Variants in HCN4 observed in about 807,000 individuals in gnomAD.
The protein encoded by HCN4 is potassium/sodium hyperpolarization-activated cyclic nucleotide-gated channel 4.
A neutral mutation model predicts 76.9 loss-of-function variants in HCN4; 29 were observed. The ratio of observed to expected loss-of-function variants is 0.38; its 90% CI spans 0.28 to 0.51. The LOEUF (loss-of-function observed/expected upper bound fraction) is 0.51. Among genes scored for constraint, HCN4 ranks in the 20% least tolerant of loss-of-function variants. The pLI, the probability that HCN4 is intolerant of heterozygous loss-of-function variation, is 0.90. For synonymous variants in HCN4, 772 were observed against 762.5 expected (o/e 1.01, Z -0.21); for missense variants, 1,416 against 1,715.2 (o/e 0.83, Z 3.08).
At chr15:73,366,928 AG>A (rs1351738831) in intron 1 of HCN4, among the ~76,000 whole-genome samples, 1 of 152,328 alleles carries the variant, frequency 6.6e-6, no homozygotes, top group Non-Finnish European at 1.5e-5. Flanking sequence ...AGCTGAGCTC[AG>A]GGTTACGGTG....
chr15:73,333,435 G>C (rs2042944733), intron 2 of HCN4, among the ~76,000 whole-genome samples: 2 of 152,178 alleles, frequency 1.3e-5, no homozygotes, highest in Non-Finnish European at 2.9e-5. Flanking sequence ...GCCCATTTCA[G>C]ATGTGGAAAC....
intron 1 of HCN4, among the ~76,000 whole-genome samples, chr15:73,360,626 C>T (rs76668171): frequency 6.7e-6 from 1 of 149,882 alleles, no homozygotes; most frequent in African/African-American, 2.4e-5. Flanking sequence ...TTTGGGGGAC[C>T]TCTCTCTCTC....
At position 73,324,073 on chromosome 15, in the gene HCN4, G is replaced by A. The variant is rs1405877787; in HGVS notation, c.2143+16C>T. 6.2e-7 allele frequency: 1 copy of A among 1,610,240 alleles called. No homozygotes were observed. The highest frequency in any genetic ancestry group is 1.3e-5 in the African/African-American group (1 of 74,824). On this transcript the variant is annotated intron_variant, in intron 7 of 7. Coordinates refer to ENST00000261917, the MANE Select transcript of HCN4 (RefSeq NM_005477.3). Reference sequence around the variant, plus strand: ...AACACCCCCCACCTGCCCCGCCTGTGGCCCCTCCCCCTCACCAATGCGGTC... The same window carrying A: ...AACACCCCCCACCTGCCCCGCCTGTAGCCCCTCCCCCTCACCAATGCGGTC...
intron 2 of HCN4, among the ~76,000 whole-genome samples, chr15:73,341,497 T>A (rs2043002981): frequency 6.6e-6 from 1 of 152,186 alleles, no homozygotes; most frequent in Non-Finnish European, 1.5e-5. Context: ...TAAGGCTTTA[T>A]AAACATCAGG....
chr15:73,344,680 G>A (rs139681384), intron 1 of HCN4, among the ~76,000 whole-genome samples: 147 of 152,302 alleles, frequency 9.7e-4, no homozygotes, highest in African/African-American at 3.3e-3. Context: ...CCTTCAAGTC[G>A]TTTGTAGAGG....
chr15:73,329,848 G>T, intron 3 of HCN4, 57 bp from the exon 4 acceptor site: 2 of 1,414,398 alleles, frequency 1.4e-6, no homozygotes, highest in Non-Finnish European at 2.0e-6. Flanking sequence ...CTTCTCACTA[G>T]CAAGAAAAGG....
chr15:73,340,259 G>C (rs2042992421), intron 2 of HCN4, among the ~76,000 whole-genome samples: 1 of 152,086 alleles, frequency 6.6e-6, no homozygotes, highest in Non-Finnish European at 1.5e-5. Flanking sequence ...CCAGCCACTG[G>C]CATCTCTGCC....
At chr15:73,356,788 T>G (rs2043083228) in intron 1 of HCN4, among the ~76,000 whole-genome samples, 1 of 151,806 alleles carries the variant, frequency 6.6e-6, no homozygotes, top group African/African-American at 2.4e-5. Context: ...CCTTCTGGCC[T>G]CAGAATTTTA....
In HCN4 at chr15:73,321,971, A is replaced by G. The variant is rs1248277224; in HGVS notation, c.*510T>C. On this transcript the variant is annotated 3_prime_UTR_variant, in exon 8 of 8. Transcript: ENST00000261917. ...ACAGATCTTGCTACGTTTACAGTAG[A>G]AAAAATGCTAGGCCCTCAGGGCCCT... 1 of 188,576 alleles carries G rather than the reference A, an allele frequency of 5.3e-6. No homozygotes were observed. Among genetic ancestry groups the G allele is most frequent in the Non-Finnish European group, 1.1e-5 (1 of 90,388 alleles). 11.7% of individuals were successfully genotyped at this position (188,576 alleles called of 1,614,324 possible).
In HCN4 at chr15:73,324,200, A is replaced by G; in HGVS notation, c.2032T>C (p.Tyr678His). ...ACGCTCAGCGAGTAGAGGCGGCAGTAGGTGTCGGCCCTCACGCTGGCTGTG... is the reference window on the plus strand; with the variant it reads ...ACGCTCAGCGAGTAGAGGCGGCAGTGGGTGTCGGCCCTCACGCTGGCTGTG... Reference protein sequence around the residue: ...RRTASVRADTYCRLYSLSVDN... With the variant: ...RRTASVRADTHCRLYSLSVDN... The change falls in exon 7 of 8, where the codon TAC (tyrosine) becomes CAC (histidine). Residue 678 changes from tyrosine (Y) to histidine (H), a missense_variant. This residue lies in a region of HCN4 where 241 missense variants were observed against 379.4 expected (regional missense o/e 0.64). Coordinates refer to ENST00000261917, the MANE Select transcript of HCN4 (RefSeq NM_005477.3). 6.2e-7 allele frequency: 1 copy of G among 1,614,120 alleles called. No homozygotes were observed. The highest frequency in any genetic ancestry group is 8.5e-7 in the Non-Finnish European group (1 of 1,179,988).
chr15:73,348,382 A>C (rs906947606), intron 1 of HCN4, among the ~76,000 whole-genome samples: 4 of 152,266 alleles, frequency 2.6e-5, no homozygotes, highest in Admixed American at 1.3e-4. Flanking sequence ...GTGCACATGC[A>C]CAGACACGAA....
Position 73,368,278 on chromosome 15 carries a change from G to GGGGCCGGGGTCGGACC in HCN4, c.-24_-9dup. On this transcript the variant is annotated 5_prime_UTR_variant, in exon 1 of 8. Transcript: ENST00000261917. This position sits in a 1 kb window ranked among gnomAD's most constrained non-coding sequence, Gnocchi z 6.9. ...CGGCGGCAGCTTGTCCATGGCGCCA[G>GGGGCCGGGGTCGGACC]GGGCCGGGGTCGGACCGGGCCGGGG... is the stretch of plus-strand genomic sequence containing the variant. 3 of 1,484,330 alleles carry GGGGCCGGGGTCGGACC rather than the reference G, an allele frequency of 2.0e-6. No individual in the cohort carries two copies. Among genetic ancestry groups the GGGGCCGGGGTCGGACC allele is most frequent in the Non-Finnish European group, 2.7e-6 (3 of 1,121,718 alleles). 91.9% of individuals were successfully genotyped at this position (1,484,330 alleles called of 1,614,324 possible).
intron 1 of HCN4, among the ~76,000 whole-genome samples, chr15:73,350,996 T>C (rs1229991717): frequency 6.6e-6 from 1 of 152,154 alleles, no homozygotes; most frequent in African/African-American, 2.4e-5. Flanking sequence ...CGAGAAGCGA[T>C]GCTGCTCTCC....
Position 73,359,252 on chromosome 15 carries a change from C to T in HCN4, c.785+8234G>A, listed in dbSNP as rs555585062. 8.2e-4 allele frequency among the ~76,000 whole-genome samples: 125 copies of T among 152,288 alleles called. 1 individual carries two copies. Among genetic ancestry groups the T allele is most frequent in the Middle Eastern group, 3.4e-3 (1 of 294 alleles). ...AGGGAGTCCCCCTATCCAGCCGGCA[C>T]GGCTCGAGGTCCAGCCCTGACCCTG... On this transcript the variant is annotated intron_variant, in intron 1 of 7. Transcript: ENST00000261917.
Position 73,367,890 on chromosome 15 carries a change from C to A in HCN4, c.381G>T (p.Glu127Asp). Residue 127 changes from glutamate (E) to aspartate (D), a missense_variant, in exon 1 of 8, where the codon GAG becomes GAT. Glu to Asp is a conservative substitution (Grantham distance 45). Coordinates refer to ENST00000261917, the MANE Select transcript of HCN4 (RefSeq NM_005477.3). The surrounding 1 kb of genome is among the most constrained non-coding windows in gnomAD (Gnocchi z 7.5). ...SSHGHLHDSA[E>D]ERRLIAEGDA... ...CGCCCTCGGCGATGAGCCGCCGCTC[C>A]TCCGCGGAGTCATGCAGGTGTCCGT... 1 of 1,372,280 alleles carries A rather than the reference C, an allele frequency of 7.3e-7. No homozygotes were observed. The highest frequency in any genetic ancestry group is 9.4e-7 in the Non-Finnish European group (1 of 1,060,756). The allele number at this position is 1,372,280 out of a possible 1,614,324, so 85.0% of individuals were successfully genotyped here. A position where few individuals can be genotyped will look rare whatever the true frequency, so the allele number is the denominator to read the frequency against.
intron 1 of HCN4, among the ~76,000 whole-genome samples, chr15:73,350,486 A>G (rs1343081957): frequency 6.6e-6 from 1 of 152,156 alleles, no homozygotes; most frequent in African/African-American, 2.4e-5. Flanking sequence ...AGGAGAACCT[A>G]GTAAACTTTC....
At chr15:73,341,989 G>C (rs1334784172) in intron 2 of HCN4, among the ~76,000 whole-genome samples, 1 of 152,224 alleles carries the variant, frequency 6.6e-6, no homozygotes, top group African/African-American at 2.4e-5. Flanking sequence ...TGGGAAGTCA[G>C]CCACGCGGCA....
chr15:73,323,343 G>T lies in HCN4; in HGVS notation c.2750C>A (p.Ser917Tyr). The change falls in exon 8 of 8, where the codon TCC becomes TAC. Residue 917 changes from serine (S) to tyrosine (Y), a missense_variant. This residue lies in a region of HCN4 where 633 missense variants were observed against 579.8 expected (regional missense o/e 1.09). Coordinates refer to ENST00000261917, the MANE Select transcript of HCN4 (RefSeq NM_005477.3). ...CAGGGGAGAGTCGGAGGAGGACAGG[G>T]AGCCACCCAGCGCCTTGTGGAAGTG... Reference protein sequence around the residue: ...FGHFHKALGGSLSSSDSPLLT... With the variant: ...FGHFHKALGGYLSSSDSPLLT... The T allele has an allele frequency of 6.4e-7, 1 of 1,567,980 alleles. No homozygotes were observed. Among genetic ancestry groups the T allele is most frequent in the Non-Finnish European group, 8.6e-7 (1 of 1,156,382 alleles).
intron 1 of HCN4, among the ~76,000 whole-genome samples, chr15:73,362,132 G>A (rs1269070322): frequency 3.9e-5 from 6 of 152,186 alleles, no homozygotes; most frequent in South Asian, 2.1e-4. Flanking sequence ...GACCAGCAGC[G>A]TCCAAGCAGC....
Sources: allele counts gnomAD v4.1 joint callset (sites outside exome capture counted in the v4.1 genomes callset), GRCh38; gene constraint gnomAD v4.1.1; regional missense constraint gnomAD v4.1.1; non-coding constraint Gnocchi (gnomAD v3.1); transcripts MANE v1.5; gene names NCBI Gene and HGNC (gene_info 2026-07-23, HGNC 2026-07-21).